The following KCNQ3 variants were observed in gnomAD, a reference collection of about 807,000 sequenced individuals.
KCNQ3 encodes potassium voltage-gated channel subfamily Q member 3.
In KCNQ3, 30 loss-of-function variants were observed where a neutral mutation model predicts 92.5. The observed-to-expected ratio is 0.32, with a 90% CI of 0.24 to 0.44. The LOEUF (loss-of-function observed/expected upper bound fraction) is 0.44. KCNQ3 is among the 20% of genes least tolerant of loss of function. The pLI, the probability that KCNQ3 is intolerant of heterozygous loss-of-function variation, is 1.00. For synonymous variants in KCNQ3, 450 were observed against 468.8 expected (o/e 0.96, Z 0.52); for missense variants, 913 against 1,140.3 (o/e 0.80, Z 2.87).
chr8:132,296,230 C>T (rs1448481098), intron 1 of KCNQ3, among the ~76,000 whole-genome samples: 1 of 152,082 alleles, frequency 6.6e-6, no homozygotes, highest in Admixed American at 6.6e-5. Context: ...GACAGTGCTG[C>T]CTTAGGGCGG....
At chr8:132,476,480 G>C (rs1822414557) in intron 1 of KCNQ3, among the ~76,000 whole-genome samples, 1 of 152,260 alleles carries the variant, frequency 6.6e-6, no homozygotes, top group Admixed American at 6.5e-5. Flanking sequence ...GGAAGCCCAA[G>C]CCTTGCATTA....
At chr8:132,214,428 T>C (rs1054026569) in intron 1 of KCNQ3, among the ~76,000 whole-genome samples, 1 of 152,192 alleles carries the variant, frequency 6.6e-6, no homozygotes, top group Non-Finnish European at 1.5e-5. Context: ...TTATTCAAAA[T>C]AAATCTTAGG....
chr8:132,145,694 A>G (rs1825429075), intron 9 of KCNQ3, among the ~76,000 whole-genome samples: 1 of 152,248 alleles, frequency 6.6e-6, no homozygotes, highest in Admixed American at 6.5e-5. Context: ...AAGTAAACAG[A>G]CACATTCATT....
chr8:132,174,104 T>A (rs1826469491), intron 6 of KCNQ3, 135 bp downstream of exon 6: 2 of 725,282 alleles, frequency 2.8e-6, no homozygotes, highest in Non-Finnish European at 5.0e-6. Flanking sequence ...GGCAGGATCA[T>A]CATGCTTAAG....
intron 1 of KCNQ3, among the ~76,000 whole-genome samples, chr8:132,252,768 A>G (rs541436911): frequency 3.3e-5 from 5 of 152,146 alleles, no homozygotes; most frequent in Non-Finnish European, 5.9e-5. Context: ...CTAGACACAG[A>G]GCGCTGATTG....
At chr8:132,172,498 C>T (rs1179748091) in intron 7 of KCNQ3, 100 bp downstream of exon 7, 13 of 1,073,508 alleles carry the variant, frequency 1.2e-5, no homozygotes, top group African/African-American at 7.7e-5. Context: ...ATGAGTATGT[C>T]CCCTCCACAT....
chr8:132,144,018 A>G (rs1825378987), intron 9 of KCNQ3, among the ~76,000 whole-genome samples: 1 of 152,204 alleles, frequency 6.6e-6, no homozygotes, highest in Non-Finnish European at 1.5e-5. Flanking sequence ...TCCTGAATTG[A>G]AGTTTCAGTA....
At chr8:132,386,913 T>G (rs79542845) in intron 1 of KCNQ3, among the ~76,000 whole-genome samples, 22,056 of 152,164 alleles carry the variant, frequency 0.14, 1,791 homozygotes, top group African/African-American at 0.21. Context: ...ACAATATGAT[T>G]TAAAAAACAA....
intron 1 of KCNQ3, among the ~76,000 whole-genome samples, chr8:132,212,281 T>C (rs566923426): frequency 6.6e-6 from 1 of 152,150 alleles, no homozygotes; most frequent in Non-Finnish European, 1.5e-5. Flanking sequence ...CCTTCACCAC[T>C]GGCTTCAGCA....
intron 1 of KCNQ3, among the ~76,000 whole-genome samples, chr8:132,470,652 C>T (rs1175653511): frequency 6.6e-6 from 1 of 152,228 alleles, no homozygotes; most frequent in Non-Finnish European, 1.5e-5. Context: ...ATGTTATCTA[C>T]TATGGAGGCC....
chr8:132,408,429 T>C (rs1050465901), intron 1 of KCNQ3, among the ~76,000 whole-genome samples: 4 of 152,164 alleles, frequency 2.6e-5, no homozygotes, highest in Non-Finnish European at 5.9e-5. Context: ...TTCGACTCTC[T>C]ACCTGATGCT....
chr8:132,374,886 C>T (rs1391796945), intron 1 of KCNQ3, among the ~76,000 whole-genome samples: 1 of 152,118 alleles, frequency 6.6e-6, no homozygotes, highest in Non-Finnish European at 1.5e-5. Flanking sequence ...CATAGTATTC[C>T]ATCGTGTATA....
chr8:132,260,039 T>C (rs898345941), intron 1 of KCNQ3, among the ~76,000 whole-genome samples: 2 of 152,196 alleles, frequency 1.3e-5, no homozygotes, highest in African/African-American at 4.8e-5. Flanking sequence ...GTTCATAGAC[T>C]AGAAGATTTA....
chr8:132,413,865 G>A (rs990753835), intron 1 of KCNQ3, among the ~76,000 whole-genome samples: 1 of 152,178 alleles, frequency 6.6e-6, no homozygotes, highest in African/African-American at 2.4e-5. Context: ...CACGTGACTG[G>A]GGAATCCCAT....
In KCNQ3 at chr8:132,134,604, C is replaced by G. The variant is rs73355051; in HGVS notation, c.1701-216G>C. 8.1e-3 allele frequency among the ~76,000 whole-genome samples: 1,230 copies of G among 151,386 alleles called. 15 individuals are homozygous for G. The highest frequency in any genetic ancestry group is 0.026 in the African/African-American group (1,086 of 41,236). ...GGAAAGAGAGAGTGCATACTAGCTA[C>G]AGAGAGAAAGACAGAGCCAGAGAGA... On this transcript the variant is annotated intron_variant, in intron 12 of 14. Transcript: ENST00000388996.
At chr8:132,169,081 A>C (rs944096199) in intron 8 of KCNQ3, among the ~76,000 whole-genome samples, 1 of 152,142 alleles carries the variant, frequency 6.6e-6, no homozygotes, top group African/African-American at 2.4e-5. Context: ...AAGCCTCCAG[A>C]TGTAGCTGAC....
rs77693956 is a variant in KCNQ3 at position 132,132,099 on chromosome 8, A to G, written c.1884+81T>C. 0.13 allele frequency: 123,507 copies of G among 957,510 alleles called. 7,588 individuals are homozygous for G. The highest frequency in any genetic ancestry group is 0.17 in the Middle Eastern group (767 of 4,622). 59.3% of individuals were successfully genotyped at this position (957,510 alleles called of 1,614,324 possible). A position where few individuals can be genotyped will look rare whatever the true frequency, so the allele number is the denominator to read the frequency against. On this transcript the variant is annotated intron_variant, in intron 14 of 14. Coordinates refer to ENST00000388996, the MANE Select transcript of KCNQ3 (RefSeq NM_004519.4). The stretch of plus-strand genomic sequence containing the variant: ...TGAACCTTCGTCTTAAAAAAAAAAA[A>G]GAAAGAAAGAAAAAAAAGAAATGGC...
chr8:132,187,988 C>A (rs1269561579), intron 1 of KCNQ3, among the ~76,000 whole-genome samples: 1 of 145,080 alleles, frequency 6.9e-6, no homozygotes, highest in Admixed American at 6.7e-5. Context: ...ACTGTTACTA[C>A]AACCTCCAAA....
At chr8:132,457,158 T>C (rs973229348) in intron 1 of KCNQ3, among the ~76,000 whole-genome samples, 1 of 152,080 alleles carries the variant, frequency 6.6e-6, no homozygotes, top group Non-Finnish European at 1.5e-5. Context: ...GTAGATCTGA[T>C]TTATTACAAT....
Sources: allele counts gnomAD v4.1 joint callset (sites outside exome capture counted in the v4.1 genomes callset), GRCh38; gene constraint gnomAD v4.1.1; transcripts MANE v1.5; gene names NCBI Gene and HGNC (gene_info 2026-07-23, HGNC 2026-07-21).